Variants in TAFA2 observed in about 807,000 individuals in gnomAD.
TAFA2 encodes the protein chemokine-like protein TAFA-2.
A neutral mutation model predicts 18.8 loss-of-function variants in TAFA2; 7 were observed. The ratio of observed to expected loss-of-function variants is 0.37; its 90% CI spans 0.21 to 0.70. The LOEUF (loss-of-function observed/expected upper bound fraction) is 0.70. Among genes scored for constraint, TAFA2 ranks in the 30% least tolerant of loss-of-function variants. TAFA2 has a pLI of 0.53. For synonymous variants in TAFA2, 60 were observed against 54.2 expected, an observed-to-expected ratio of 1.11 and a Z score of -0.47; for missense variants, 122 against 158.1, an observed-to-expected ratio of 0.77 and a Z score of 1.23.
At chr12:62,252,621 G>A (rs547930568) in intron 1 of TAFA2, 19 of 152,286 alleles carry the variant, frequency 1.2e-4, no homozygotes, top group African/African-American at 4.3e-4. Flanking sequence ...GCTGGCCATT[G>A]ATTCAGAGGG....
chr12:61,986,939 C>T (rs1879840807), intron 1 of TAFA2, among the ~76,000 whole-genome samples: 1 of 152,144 alleles, frequency 6.6e-6, no homozygotes, highest in Non-Finnish European at 1.5e-5. Flanking sequence ...CTAATGCTGC[C>T]ATCTGCTAGT....
chr12:61,849,479 T>C (rs1873552395), intron 2 of TAFA2, among the ~76,000 whole-genome samples: 1 of 152,192 alleles, frequency 6.6e-6, no homozygotes. Flanking sequence ...GCCTAGTATC[T>C]TGCTTATTTA....
At chr12:62,155,537 T>C (rs1002576777) in intron 1 of TAFA2, among the ~76,000 whole-genome samples, 6 of 152,128 alleles carry the variant, frequency 3.9e-5, no homozygotes, top group Non-Finnish European at 2.9e-5. Context: ...ACTACCTGAC[T>C]TCAAACTATA....
intron 2 of TAFA2, among the ~76,000 whole-genome samples, chr12:61,784,534 G>A (rs1226243636): frequency 6.6e-6 from 1 of 151,348 alleles, no homozygotes; most frequent in African/African-American, 2.4e-5. Context: ...GAAAGTTTGG[G>A]AAGAAAATTT....
chr12:62,011,623 G>A (rs1880770090), intron 1 of TAFA2, among the ~76,000 whole-genome samples: 1 of 151,908 alleles, frequency 6.6e-6, no homozygotes, highest in African/African-American at 2.4e-5. Context: ...AAGGCCGCAG[G>A]GACCTCTGCC....
intron 1 of TAFA2, among the ~76,000 whole-genome samples, chr12:62,225,437 A>C (rs769632616): frequency 5.3e-5 from 8 of 152,176 alleles, no homozygotes; most frequent in Non-Finnish European, 1.0e-4. Context: ...AACTGTTATA[A>C]TCTTGAAATC....
chr12:61,981,147 A>T (rs1879622242), intron 1 of TAFA2, among the ~76,000 whole-genome samples: 1 of 152,168 alleles, frequency 6.6e-6, no homozygotes, highest in Non-Finnish European at 1.5e-5. Flanking sequence ...CCTCAGAAAT[A>T]ACACCGCACA....
At chr12:61,895,445 T>C (rs374369887) in intron 1 of TAFA2, among the ~76,000 whole-genome samples, 5 of 152,094 alleles carry the variant, frequency 3.3e-5, no homozygotes, top group African/African-American at 1.2e-4. Context: ...AGTGAAACAG[T>C]TCTCCCAAGT....
intron 4 of TAFA2, among the ~76,000 whole-genome samples, chr12:61,747,827 G>A (rs1392686119): frequency 6.6e-6 from 1 of 150,994 alleles, no homozygotes; most frequent in Non-Finnish European, 1.5e-5. Flanking sequence ...TAACTAACCT[G>A]CACATTGTGC....
intron 4 of TAFA2, among the ~76,000 whole-genome samples, chr12:61,712,099 A>G (rs577737656): frequency 5.3e-5 from 8 of 152,080 alleles, no homozygotes; most frequent in Non-Finnish European, 1.0e-4. Context: ...AAAGAGAGAG[A>G]GAGGAAATTG....
chr12:62,216,336 T>A (rs2062735912), intron 1 of TAFA2, among the ~76,000 whole-genome samples: 1 of 152,180 alleles, frequency 6.6e-6, no homozygotes, highest in South Asian at 2.1e-4. Flanking sequence ...AATTTTAAAC[T>A]CTGAAACTGC....
At chr12:61,863,624 G>A (rs1352730774) in intron 2 of TAFA2, among the ~76,000 whole-genome samples, 1 of 152,170 alleles carries the variant, frequency 6.6e-6, no homozygotes, top group Non-Finnish European at 1.5e-5. Flanking sequence ...GCTTTGCCTG[G>A]ATGGATTGAC....
chr12:62,092,675 T>C (rs539644373), intron 1 of TAFA2, among the ~76,000 whole-genome samples: 47 of 152,032 alleles, frequency 3.1e-4, no homozygotes, highest in Non-Finnish European at 5.2e-4. Context: ...ATATGGTATA[T>C]GTCCAATATG....
chr12:61,846,922 T>TCAAA (rs1165432184), intron 2 of TAFA2, among the ~76,000 whole-genome samples: 1 of 152,182 alleles, frequency 6.6e-6, no homozygotes, highest in African/African-American at 2.4e-5. Flanking sequence ...GAGTATTTCA[T>TCAAA]CAAACAAGCG....
At chr12:61,826,274 T>C (rs1872533924) in intron 2 of TAFA2, among the ~76,000 whole-genome samples, 1 of 151,978 alleles carries the variant, frequency 6.6e-6, no homozygotes, top group African/African-American at 2.4e-5. Flanking sequence ...TTTAAAAAAA[T>C]ATTTCCAGAG....
chr12:61,871,996 G>A (rs1874626526), intron 1 of TAFA2, among the ~76,000 whole-genome samples: 1 of 152,274 alleles, frequency 6.6e-6, no homozygotes, highest in South Asian at 2.1e-4. Flanking sequence ...GGAGGCTGAG[G>A]CAGGAGAATG....
chr12:62,027,894 G>A (rs1371458257), intron 1 of TAFA2, among the ~76,000 whole-genome samples: 2 of 152,102 alleles, frequency 1.3e-5, no homozygotes, highest in Admixed American at 1.3e-4. Context: ...ATCCTTCGGG[G>A]AACCACAAGA....
In TAFA2 at chr12:61,962,862, C is replaced by T. The variant is rs528262727; in HGVS notation, c.-1-95436G>A. Among the ~76,000 whole-genome samples the T allele has an allele frequency of 4.0e-4, 61 of 152,030 alleles. 1 individual carries two copies. In the South Asian group the frequency reaches 1.0e-2, roughly 25 times the overall value. ...TTTGCTGCACCCATCAACCCATCAT[C>T]TACATTAGGTATTTCTCCCAATGCT... On this transcript the variant is annotated intron_variant, in intron 1 of 4. Transcript: ENST00000416284.
chr12:62,209,149 C>A (rs1313754016), intron 1 of TAFA2, among the ~76,000 whole-genome samples: 1 of 152,216 alleles, frequency 6.6e-6, no homozygotes, highest in Non-Finnish European at 1.5e-5. Flanking sequence ...GGCTTTGTGT[C>A]CCTACCCAAA....
Sources: allele counts gnomAD v4.1 joint callset (sites outside exome capture counted in the v4.1 genomes callset), GRCh38; gene constraint gnomAD v4.1.1; transcripts MANE v1.5; gene names NCBI Gene and HGNC (gene_info 2026-07-23, HGNC 2026-07-21).